The following PALS1 variants were observed in gnomAD, a reference collection of about 807,000 sequenced individuals.
PALS1 encodes the protein protein PALS1.
A neutral mutation model predicts 78.9 loss-of-function variants in PALS1; 31 were observed. The ratio of observed to expected loss-of-function variants is 0.39; its 90% CI spans 0.30 to 0.53. PALS1 has a LOEUF of 0.53. Ranked by LOEUF, PALS1 falls within the 20% of genes least tolerant of loss-of-function variation. PALS1 has a pLI of 0.67. For missense variants in PALS1, 704 were observed against 826.5 expected, an observed-to-expected ratio of 0.85 and a Z score of 1.82; for synonymous variants, 276 against 270.9, an observed-to-expected ratio of 1.02 and a Z score of -0.18.
intron 14 of PALS1, 91 bp from the exon 15 acceptor site, chr14:67,332,689 G>A (rs1170448309): frequency 7.8e-7 from 1 of 1,285,112 alleles, no homozygotes; most frequent in Non-Finnish European, 1.1e-6. Context: ...AGCTATGAAG[G>A]TCGCTCCTTG....
At chr14:67,276,009 C>T (rs2084497292) in intron 2 of PALS1, among the ~76,000 whole-genome samples, 1 of 152,078 alleles carries the variant, frequency 6.6e-6, no homozygotes, top group South Asian at 2.1e-4. Context: ...ATTCTTCTCT[C>T]TTTTCTTCAT....
intron 14 of PALS1, among the ~76,000 whole-genome samples, chr14:67,331,209 T>A (rs2085444563): frequency 6.6e-6 from 1 of 152,096 alleles, no homozygotes; most frequent in Non-Finnish European, 1.5e-5. Context: ...CACGCCTGGC[T>A]ATTTTTTGTA....
chr14:67,316,983 C>T, intron 10 of PALS1, 80 bp downstream of exon 10: 1 of 1,110,322 alleles, frequency 9.0e-7, no homozygotes, highest in Non-Finnish European at 1.3e-6. Context: ...CATATTAGAA[C>T]CGTGAAGAAG....
chr14:67,321,347 C>A, intron 13 of PALS1, 88 bp downstream of exon 13: 2 of 1,213,546 alleles, frequency 1.6e-6, no homozygotes, highest in South Asian at 1.3e-5. Context: ...GGTCCAAGAA[C>A]AGCGCGACCT....
intron 1 of PALS1, among the ~76,000 whole-genome samples, chr14:67,268,567 G>T: frequency 6.6e-6 from 1 of 152,190 alleles, no homozygotes; most frequent in Non-Finnish European, 1.5e-5. Context: ...GCAGAACTGA[G>T]GGTTCCTCCC....
intron 9 of PALS1, among the ~76,000 whole-genome samples, chr14:67,316,256 T>C (rs766132833): frequency 1.4e-4 from 22 of 152,300 alleles, no homozygotes; most frequent in Admixed American, 4.6e-4. Context: ...TATTAAAATA[T>C]TAATTTTGTA....
intron 2 of PALS1, among the ~76,000 whole-genome samples, chr14:67,278,394 C>T (rs577096506): frequency 1.2e-3 from 182 of 149,610 alleles, no homozygotes; most frequent in South Asian, 2.1e-3. Context: ...CCCATGTAAT[C>T]CTTGTCTCAA....
At chr14:67,280,832 C>A (rs1459305352) in intron 3 of PALS1, among the ~76,000 whole-genome samples, 1 of 131,746 alleles carries the variant, frequency 7.6e-6, no homozygotes, top group African/African-American at 3.2e-5. Flanking sequence ...TCCTTCCTTC[C>A]TTCCTTCCTT....
intron 1 of PALS1, among the ~76,000 whole-genome samples, chr14:67,247,760 G>A (rs1337880046): frequency 6.6e-6 from 1 of 151,972 alleles, no homozygotes; most frequent in Non-Finnish European, 1.5e-5. Context: ...TGTATTTTTA[G>A]TAGAGACAGG....
At chr14:67,331,760 C>G (rs763438317) in intron 14 of PALS1, among the ~76,000 whole-genome samples, 1 of 152,014 alleles carries the variant, frequency 6.6e-6, no homozygotes, top group Non-Finnish European at 1.5e-5. Context: ...ACTCCAATAC[C>G]ACAAAGTTTC....
intron 3 of PALS1, among the ~76,000 whole-genome samples, chr14:67,287,280 C>A (rs1424852613): frequency 2.0e-5 from 3 of 149,110 alleles, no homozygotes; most frequent in African/African-American, 7.5e-5. Context: ...AGAACTGTGG[C>A]AAAATAGGTC....
At chr14:67,275,631 C>T (rs2084491078) in intron 2 of PALS1, among the ~76,000 whole-genome samples, 1 of 152,070 alleles carries the variant, frequency 6.6e-6, no homozygotes. Flanking sequence ...TGATGCTGGC[C>T]TCATAAAATG....
At chr14:67,328,415 T>C (rs2085393414) in intron 14 of PALS1, among the ~76,000 whole-genome samples, 1 of 152,262 alleles carries the variant, frequency 6.6e-6, no homozygotes, top group Non-Finnish European at 1.5e-5. Context: ...GTAAAAATTT[T>C]CTCCCATTCT....
intron 14 of PALS1, among the ~76,000 whole-genome samples, chr14:67,327,920 G>A (rs1214082726): frequency 6.6e-6 from 1 of 152,224 alleles, no homozygotes; most frequent in Non-Finnish European, 1.5e-5. Flanking sequence ...CTTTGCTATC[G>A]TAAATAGTGC....
At chr14:67,244,865 C>G (rs1348125118) in intron 1 of PALS1, among the ~76,000 whole-genome samples, 3 of 152,128 alleles carry the variant, frequency 2.0e-5, no homozygotes, top group African/African-American at 7.2e-5. Context: ...GGTTGCTAAT[C>G]AGATGACTTT....
At position 67,303,442 on chromosome 14, in the gene PALS1, T is replaced by G. The variant is rs1595600183; in HGVS notation, c.964-80T>G. 5 of 1,142,858 alleles carry G rather than the reference T, an allele frequency of 4.4e-6. No individual in the cohort carries two copies. In the East Asian group the frequency reaches 1.2e-4, roughly 27 times the overall value. 70.8% of individuals were successfully genotyped at this position (1,142,858 alleles called of 1,614,324 possible). A position where few individuals can be genotyped will look rare whatever the true frequency, so the allele number is the denominator to read the frequency against. On this transcript the variant is annotated intron_variant, in intron 7 of 14. Coordinates refer to ENST00000261681, the MANE Select transcript of PALS1 (RefSeq NM_022474.4). ...TGGAGGGGTTCTGAAATAGTCCAGTTTAGGGAATATAGATCATAAAATCAT... is the reference window on the plus strand; with the variant it reads ...TGGAGGGGTTCTGAAATAGTCCAGTGTAGGGAATATAGATCATAAAATCAT...
chr14:67,309,993 T>G (rs528867892), intron 8 of PALS1, among the ~76,000 whole-genome samples: 65 of 131,816 alleles, frequency 4.9e-4, no homozygotes, highest in Admixed American at 1.6e-3. Flanking sequence ...ATTCTCAAGG[T>G]TTTTTTTTTT....
chr14:67,305,008 T>C (rs1402078643), intron 8 of PALS1, among the ~76,000 whole-genome samples: 2 of 152,218 alleles, frequency 1.3e-5, no homozygotes, highest in Admixed American at 1.3e-4. Flanking sequence ...AAGTTGATAT[T>C]GTATCTGCAA....
intron 14 of PALS1, among the ~76,000 whole-genome samples, chr14:67,325,211 C>A (rs1320766643): frequency 6.6e-6 from 1 of 152,130 alleles, no homozygotes; most frequent in South Asian, 2.1e-4. Flanking sequence ...AGCCTCCTTT[C>A]ATTCTTGACT....
Sources: allele counts gnomAD v4.1 joint callset (sites outside exome capture counted in the v4.1 genomes callset), GRCh38; gene constraint gnomAD v4.1.1; transcripts MANE v1.5; gene names NCBI Gene and HGNC (gene_info 2026-07-23, HGNC 2026-07-21).